Variants in HEATR4 observed in about 807,000 individuals in gnomAD.
HEATR4 encodes the protein HEAT repeat-containing protein 4.
In HEATR4, 95 loss-of-function variants were observed where a neutral mutation model predicts 108.8. That is an observed-to-expected ratio of 0.87 (90% CI 0.74 to 1.04). The LOEUF (loss-of-function observed/expected upper bound fraction) is 1.04, where lower values mean the gene tolerates loss of function less well. Among genes scored for constraint, HEATR4 ranks in the 50% least tolerant of loss-of-function variants. HEATR4 has a pLI of 0.00. For missense variants in HEATR4, 1,152 were observed against 1,253.8 expected, an observed-to-expected ratio of 0.92 and a Z score of 1.23; for synonymous variants, 443 against 459.4, an observed-to-expected ratio of 0.96 and a Z score of 0.46.
chr14:73,625,976 T>G, the HEATR4 span, among the ~76,000 whole-genome samples: 1 of 152,240 alleles, frequency 6.6e-6, no homozygotes, highest in African/African-American at 2.4e-5. Context: ...AAAGCCAAGA[T>G]AGGCTGAAAG....
chr14:73,604,160 A>ATTTCT, the HEATR4 span, among the ~76,000 whole-genome samples: 3 of 91,412 alleles, frequency 3.3e-5, no homozygotes, highest in African/African-American at 1.3e-4. Context: ...TCATTTGCTA[A>ATTTCT]TTTCTTTTTT....
the HEATR4 span, among the ~76,000 whole-genome samples, chr14:73,603,595 C>T: frequency 6.6e-6 from 1 of 151,374 alleles, no homozygotes; most frequent in Non-Finnish European, 1.5e-5. Flanking sequence ...CCTCATGATC[C>T]ACCCACCTCA....
At chr14:73,523,350 TAGA>T in intron 2 of HEATR4, 126 bp from the exon 3 acceptor site, 2 of 560,658 alleles carry the variant, frequency 3.6e-6, no homozygotes, top group South Asian at 2.7e-5. Context: ...CCATGTGAGT[TAGA>T]AGAACAAAAG....
At chr14:73,566,824 A>C in the HEATR4 span, among the ~76,000 whole-genome samples, 1 of 152,136 alleles carries the variant, frequency 6.6e-6, no homozygotes, top group Non-Finnish European at 1.5e-5. Context: ...GTGCCGCCAA[A>C]GTGGGAGCCC....
At chr14:73,553,460 G>A (rs1333221054) in intron 1 of HEATR4, among the ~76,000 whole-genome samples, 1 of 112,196 alleles carries the variant, frequency 8.9e-6, no homozygotes, top group Non-Finnish European at 1.9e-5. Context: ...CCAGTGAGCC[G>A]GGATCGCGCC....
At chr14:73,488,105 A>T (rs1885520846) in intron 17 of HEATR4, among the ~76,000 whole-genome samples, 1 of 152,174 alleles carries the variant, frequency 6.6e-6, no homozygotes, top group South Asian at 2.1e-4. Context: ...TATCTGTGGT[A>T]TAAATTGGCA....
At chr14:73,489,024 CA>C (rs1200091846) in intron 17 of HEATR4, among the ~76,000 whole-genome samples, 1 of 151,240 alleles carries the variant, frequency 6.6e-6, no homozygotes, top group Admixed American at 6.6e-5. Context: ...GACCCTGTCT[CA>C]AAAAAATAAA....
In HEATR4 at chr14:73,495,282, T is replaced by A. The variant is rs368885398; in HGVS notation, c.2731A>T (p.Lys911Ter). The stretch of plus-strand genomic sequence containing the variant: ...AGTGTTAGTGGTCCTTGTTCTCCTT[T>A]GGGTTTCAAGTAAACACGTTTTGCT... Reference protein sequence around the residue: ...EEAKRVYLKPKGEQGPLTLQT... With the variant: ...EEAKRVYLKP The change falls in exon 16 of 18, where the codon AAA becomes TAA. Residue 911 changes from lysine to a stop codon, truncating the protein, a stop_gained. Coordinates refer to ENST00000553558, the MANE Select transcript of HEATR4 (RefSeq NM_001220484.1). LOFTEE classifies it high-confidence loss of function. 1 of 1,614,096 alleles carries A rather than the reference T, an allele frequency of 6.2e-7. No homozygotes were observed. Among genetic ancestry groups the A allele is most frequent in the African/African-American group, 1.3e-5 (1 of 75,018 alleles).
chr14:73,619,586 C>G, the HEATR4 span: 11 of 1,614,074 alleles, frequency 6.8e-6, no homozygotes, highest in African/African-American at 2.7e-5. Flanking sequence ...GCTCAGATAG[C>G]CTCTGAAAGG....
rs1346165430 is a variant in HEATR4 at position 73,534,328 on chromosome 14, G to A, written c.-151-4084C>T. Reference sequence around the variant, plus strand: ...CGGGAGCCAGAAGTTGCAGTGAGCCGAGATCAGACCACTGCACTCCAGCCT... The same window carrying A: ...CGGGAGCCAGAAGTTGCAGTGAGCCAAGATCAGACCACTGCACTCCAGCCT... On this transcript the variant is annotated intron_variant, in intron 1 of 17. Coordinates refer to ENST00000553558, the MANE Select transcript of HEATR4 (RefSeq NM_001220484.1). Among the ~76,000 whole-genome samples, 9 of 104,174 alleles carry A rather than the reference G, an allele frequency of 8.6e-5. 3 individuals are homozygous for A. Among genetic ancestry groups the A allele is most frequent in the South Asian group, 6.3e-4 (2 of 3,170 alleles). The allele number at this position is 104,174 out of a possible 152,430, so 68.3% of individuals were successfully genotyped here. A position where few individuals can be genotyped will look rare whatever the true frequency, so the allele number is the denominator to read the frequency against.
chr14:73,592,212 G>A, the HEATR4 span: 1 of 1,612,630 alleles, frequency 6.2e-7, no homozygotes, highest in African/African-American at 1.3e-5. Context: ...CTGGGCCCTG[G>A]AACCCGAGAA....
the HEATR4 span, among the ~76,000 whole-genome samples, chr14:73,587,774 C>T: frequency 2.6e-5 from 4 of 152,294 alleles, no homozygotes; most frequent in South Asian, 8.3e-4. Context: ...ACGGGACCTC[C>T]CATTCCCACT....
chr14:73,532,318 A>C (rs1888730561), intron 1 of HEATR4, among the ~76,000 whole-genome samples: 1 of 115,814 alleles, frequency 8.6e-6, no homozygotes, highest in African/African-American at 2.8e-5. Context: ...AGCCATTAAC[A>C]CTAGCTTTTA....
the HEATR4 span, among the ~76,000 whole-genome samples, chr14:73,629,501 ATG>A: frequency 2.0e-5 from 3 of 152,220 alleles, no homozygotes. Flanking sequence ...GCCAAAGCCC[ATG>A]CCTTCACTGA....
intron 10 of HEATR4, among the ~76,000 whole-genome samples, chr14:73,506,166 G>C (rs1566829410): frequency 6.6e-6 from 1 of 152,178 alleles, no homozygotes; most frequent in Non-Finnish European, 1.5e-5. Flanking sequence ...TGGGATTACA[G>C]ATGTGAGCCA....
intron 1 of HEATR4, among the ~76,000 whole-genome samples, chr14:73,532,358 G>A (rs1440621583): frequency 3.4e-5 from 4 of 116,482 alleles, no homozygotes; most frequent in South Asian, 5.4e-4. Flanking sequence ...TGTATTTCTA[G>A]TAGTATAATT....
At chr14:73,479,010 C>A (rs541390947) in intron 17 of HEATR4, among the ~76,000 whole-genome samples, 168 bp from the exon 18 acceptor site, 1 of 152,072 alleles carries the variant, frequency 6.6e-6, no homozygotes, top group Non-Finnish European at 1.5e-5. Context: ...GCAATCTCGG[C>A]TTACTGCAAT....
chr14:73,503,039 A>G (rs1886577282), intron 10 of HEATR4, 26 bp from the exon 11 acceptor site: 1 of 1,502,982 alleles, frequency 6.7e-7, no homozygotes, highest in South Asian at 1.1e-5. Flanking sequence ...ATCATTAGGT[A>G]TCATCACTTA....
the HEATR4 span, among the ~76,000 whole-genome samples, chr14:73,606,085 G>A: frequency 5.3e-5 from 8 of 151,966 alleles, no homozygotes; most frequent in African/African-American, 7.2e-5. Context: ...CAGCACTCCC[G>A]GCTCACTGGC....
Sources: gnomAD v4.1 joint callset for allele counts (sites outside exome capture counted in the v4.1 genomes callset) on GRCh38, gnomAD v4.1.1 for gene constraint, MANE v1.5 for transcripts, NCBI Gene and HGNC (gene_info 2026-07-23, HGNC 2026-07-21) for gene names.